TMLHE: variants seen among roughly 807,000 people sequenced by gnomAD.
TMLHE encodes trimethyllysine hydroxylase, epsilon, also known as trimethyllysine dioxygenase, mitochondrial.
In TMLHE, 18 loss-of-function variants were observed where a neutral mutation model predicts 25.7. That is an observed-to-expected ratio of 0.70 (90% CI 0.48 to 1.04). The LOEUF (loss-of-function observed/expected upper bound fraction) is 1.04, where lower values mean the gene tolerates loss of function less well. TMLHE is among the 50% of genes least tolerant of loss of function. TMLHE has a pLI of 0.00. For synonymous variants in TMLHE, 105 were observed against 97.0 expected, an observed-to-expected ratio of 1.08 and a Z score of -0.49; for missense variants, 236 against 259.0, an observed-to-expected ratio of 0.91 and a Z score of 0.61.
At chrX:155,597,048 TC>T (rs2067725509) in intron 1 of TMLHE, among the ~76,000 whole-genome samples, 1 of 65,774 alleles carries the variant, frequency 1.5e-5, no homozygotes, top group Non-Finnish European at 2.6e-5. Flanking sequence ...CCCACAACAG[TC>T]CCCAGTGTGT....
At chrX:155,558,567 A>C (rs1189817101) in intron 1 of TMLHE, among the ~76,000 whole-genome samples, 4 of 111,706 alleles carry the variant, frequency 3.6e-5, no homozygotes, top group Non-Finnish European at 7.5e-5. Flanking sequence ...TTGAATTATT[A>C]TTCTTCCAGC....
At chrX:155,505,510 G>C (rs1374006888) in intron 6 of TMLHE, among the ~76,000 whole-genome samples, 7 of 111,191 alleles carry the variant, frequency 6.3e-5, no homozygotes, top group Non-Finnish European at 1.1e-4. Flanking sequence ...CTCATGACTA[G>C]CAGGTTAAGT....
chrX:155,566,136 G>T lies in TMLHE; in HGVS notation c.-1-20859C>A, dbSNP rs1245502125. ...CTGAACCAAGGCTATGTGCATCTGT[G>T]TGTTTTCCAGGGACAGTAGATGCAG... On this transcript the variant is annotated intron_variant, in intron 1 of 7. Coordinates refer to ENST00000334398, the MANE Select transcript of TMLHE (RefSeq NM_018196.4). Among the ~76,000 whole-genome samples, 5 of 61,940 alleles carry T rather than the reference G, an allele frequency of 8.1e-5. 2 individuals are homozygous for T. The highest frequency in any genetic ancestry group is 2.3e-4 in the Non-Finnish European group (5 of 22,041). 53.8% of individuals were successfully genotyped at this position (61,940 alleles called of 115,157 possible). A position where few individuals can be genotyped will look rare whatever the true frequency, so the allele number is the denominator to read the frequency against.
intron 1 of TMLHE, among the ~76,000 whole-genome samples, chrX:155,556,664 T>A (rs1317119990): frequency 9.1e-6 from 1 of 109,952 alleles, no homozygotes; most frequent in African/African-American, 3.3e-5. Flanking sequence ...AAATTGCTAA[T>A]GAAGTTTTGG....
At chrX:155,531,278 A>G (rs1408072388) in intron 2 of TMLHE, among the ~76,000 whole-genome samples, 1 of 111,903 alleles carries the variant, frequency 8.9e-6, no homozygotes, top group Non-Finnish European at 1.9e-5. Context: ...TAAAGAAAAG[A>G]GATTTATTTG....
intron 1 of TMLHE, among the ~76,000 whole-genome samples, chrX:155,559,431 T>C (rs1557341372): frequency 9.0e-6 from 1 of 111,480 alleles, no homozygotes; most frequent in Admixed American, 9.6e-5. Context: ...CCCATGGTTT[T>C]CCTCTTTTCT....
At chrX:155,508,246 A>C (rs2124321676) in intron 5 of TMLHE, among the ~76,000 whole-genome samples, 1 of 111,743 alleles carries the variant, frequency 8.9e-6, no homozygotes, top group South Asian at 3.7e-4. Flanking sequence ...ATGAGGGAAA[A>C]TAAAATTAAT....
intron 1 of TMLHE, among the ~76,000 whole-genome samples, chrX:155,547,206 GCT>G (rs2067352626): frequency 1.1e-5 from 1 of 94,054 alleles, no homozygotes; most frequent in Non-Finnish European, 2.2e-5. Flanking sequence ...GTGCAGTGGC[GCT>G]ATCTCGGCTC....
rs781831371 is a variant in TMLHE at position 155,514,035 on chromosome X, G to A, written c.589C>T (p.Pro197Ser). ...YGIAFVENVP[P>S]TQEHTEKLAE... ...AACTTCTCTGTGTGCTCTTGAGTGGGAGGGACATTTTCTACGAATGCAATT... is the reference window on the plus strand; with the variant it reads ...AACTTCTCTGTGTGCTCTTGAGTGGAAGGGACATTTTCTACGAATGCAATT... The change falls in exon 4 of 8, where the codon CCC becomes TCC. Residue 197 changes from proline (P) to serine (S), a missense_variant. This residue lies in a region of TMLHE where 217 missense variants were observed against 214.6 expected (regional missense o/e 1.01). Coordinates refer to ENST00000334398, the MANE Select transcript of TMLHE (RefSeq NM_018196.4). 3 of 1,209,245 alleles carry A rather than the reference G, an allele frequency of 2.5e-6. No homozygotes were observed. The highest frequency in any genetic ancestry group is 3.4e-6 in the Non-Finnish European group (3 of 894,735).
rs1453540972 is a variant in TMLHE, at chrX:155,562,844, A to G, written c.-1-17567T>C. Reference sequence around the variant, plus strand: ...CCACAGATCTCTAGGGCAGGAGCACAATGCTGCCAGTCTCTTTGCTAAAGC... The same window carrying G: ...CCACAGATCTCTAGGGCAGGAGCACGATGCTGCCAGTCTCTTTGCTAAAGC... On this transcript the variant is annotated intron_variant, in intron 1 of 7. Coordinates refer to ENST00000334398, the MANE Select transcript of TMLHE (RefSeq NM_018196.4). Among the ~76,000 whole-genome samples the G allele has an allele frequency of 8.0e-5, 5 of 62,148 alleles. 1 individual carries two copies. Among genetic ancestry groups the G allele is most frequent in the African/African-American group, 1.8e-4 (5 of 27,996 alleles). The allele number at this position is 62,148 out of a possible 115,157, so 54.0% of individuals were successfully genotyped here.
intron 2 of TMLHE, among the ~76,000 whole-genome samples, chrX:155,531,378 T>G (rs1557337051): frequency 9.0e-6 from 1 of 110,938 alleles, no homozygotes; most frequent in East Asian, 2.9e-4. Context: ...TGGCAGAAGG[T>G]GAAGGGGAGC....
chrX:155,512,084 T>C (rs1199889060), intron 4 of TMLHE, among the ~76,000 whole-genome samples: 5 of 111,847 alleles, frequency 4.5e-5, no homozygotes, highest in Non-Finnish European at 9.4e-5. Flanking sequence ...ATAGCCTTCA[T>C]AAATTCAAGG....
At chrX:155,600,561 G>A (rs1208748970) in intron 1 of TMLHE, among the ~76,000 whole-genome samples, 3 of 111,826 alleles carry the variant, frequency 2.7e-5, no homozygotes, top group Admixed American at 1.9e-4. Context: ...AACTGGGAAC[G>A]ACCAACATCA....
intron 1 of TMLHE, among the ~76,000 whole-genome samples, chrX:155,584,586 A>G (rs1221742421): frequency 9.0e-6 from 1 of 111,566 alleles, no homozygotes; most frequent in Non-Finnish European, 1.9e-5. Flanking sequence ...TCTAAAGTCA[A>G]AGATAAAACA....
At chrX:155,506,808 C>G in intron 6 of TMLHE, 90 bp downstream of exon 6, 1 of 704,162 alleles carries the variant, frequency 1.4e-6, no homozygotes, top group Non-Finnish European at 2.2e-6. Context: ...TAAAATGTAG[C>G]AGATATAAGA....
intron 1 of TMLHE, among the ~76,000 whole-genome samples, chrX:155,577,442 G>A (rs1297100270): frequency 1.8e-5 from 2 of 109,967 alleles, no homozygotes; most frequent in African/African-American, 6.6e-5. Flanking sequence ...AGTTGGCCAT[G>A]GTGGTGTGCA....
intron 1 of TMLHE, among the ~76,000 whole-genome samples, chrX:155,600,185 T>A (rs2124495783): frequency 8.9e-6 from 1 of 111,937 alleles, no homozygotes; most frequent in Admixed American, 9.5e-5. Context: ...ATAATTTTTT[T>A]AGAAAATCAT....
At chrX:155,530,892 T>G (rs1469694111) in intron 2 of TMLHE, among the ~76,000 whole-genome samples, 1 of 112,310 alleles carries the variant, frequency 8.9e-6, no homozygotes, top group Admixed American at 9.4e-5. Flanking sequence ...TAACTTGATT[T>G]GGAGCAGAGC....
chrX:155,610,168 TG>T lies in TMLHE; in HGVS notation c.-2+2623del, dbSNP rs1369002105. 4.5e-5 allele frequency among the ~76,000 whole-genome samples: 5 copies of T among 112,062 alleles called. No homozygotes were observed. In the Admixed American group the frequency reaches 4.7e-4, roughly 11 times the overall value. ...TCAACTGATGACTAGATAGACAAAA[TG>T]TAGTATACTGATGCAATGGAATATT... On this transcript the variant is annotated intron_variant, in intron 1 of 7. Coordinates refer to ENST00000334398, the MANE Select transcript of TMLHE (RefSeq NM_018196.4).
Sources: gnomAD v4.1 joint callset for allele counts (sites outside exome capture counted in the v4.1 genomes callset) on GRCh38, gnomAD v4.1.1 for gene constraint, gnomAD v4.1.1 regional missense constraint, MANE v1.5 for transcripts, NCBI Gene and HGNC (gene_info 2026-07-23, HGNC 2026-07-21) for gene names.